CSGALNACT1: variants seen among roughly 807,000 people sequenced by gnomAD.
CSGALNACT1 encodes the protein beta4GalNAcT-1.
A neutral mutation model predicts 51.0 loss-of-function variants in CSGALNACT1; 52 were observed. The observed-to-expected ratio is 1.02, with a 90% CI of 0.82 to 1.29. CSGALNACT1 has a LOEUF of 1.29. CSGALNACT1 is among the 50% of genes most tolerant of loss of function. The probability of loss-of-function intolerance (pLI) is 0.00; values close to 1 mark genes in which losing one functional copy is unlikely to be tolerated. For synonymous variants in CSGALNACT1, 341 were observed against 254.4 expected, an observed-to-expected ratio of 1.34 and a Z score of -3.24; for missense variants, 935 against 679.2, an observed-to-expected ratio of 1.38 and a Z score of -4.19.
chr8:19,555,183 G>T (rs1018347248), intron 3 of CSGALNACT1, among the ~76,000 whole-genome samples: 8 of 152,010 alleles, frequency 5.3e-5, no homozygotes, highest in Admixed American at 3.3e-4. Context: ...AGTTTGAAAT[G>T]AGCCGAGATC....
At chr8:19,602,970 A>AT (rs1220806027), upstream of CSGALNACT1, among the ~76,000 whole-genome samples, 3 of 150,864 alleles carry the variant, frequency 2.0e-5, no homozygotes, top group Non-Finnish European at 4.4e-5. Context: ...TGTATTTGCT[A>AT]TTTTTATATA....
At chr8:19,628,831 A>C (rs1355937846) in intron 1 of CSGALNACT1, among the ~76,000 whole-genome samples, 2 of 151,968 alleles carry the variant, frequency 1.3e-5, no homozygotes, top group Non-Finnish European at 2.9e-5. Context: ...GACAAACAGA[A>C]GGTCAGGATA....
chr8:19,529,361 C>G (rs2082304985), intron 3 of CSGALNACT1, among the ~76,000 whole-genome samples: 1 of 152,092 alleles, frequency 6.6e-6, no homozygotes, highest in Non-Finnish European at 1.5e-5. Context: ...TGCAACTGAC[C>G]AGACCTGTGG....
At chr8:19,696,640 G>A (rs573479263) in intron 1 of CSGALNACT1, among the ~76,000 whole-genome samples, 131 of 152,274 alleles carry the variant, frequency 8.6e-4, no homozygotes, top group African/African-American at 3.0e-3. Context: ...CTCCGAGCAA[G>A]ACATTCAGCC....
At chr8:19,441,204 A>T (rs1312119256) in intron 5 of CSGALNACT1, among the ~76,000 whole-genome samples, 1 of 152,138 alleles carries the variant, frequency 6.6e-6, no homozygotes, top group Non-Finnish European at 1.5e-5. Flanking sequence ...TCTTCACAGA[A>T]TTGGAAAAAA....
intron 1 of CSGALNACT1, among the ~76,000 whole-genome samples, chr8:19,657,808 C>T (rs1322306954): frequency 6.6e-6 from 1 of 152,032 alleles, no homozygotes; most frequent in African/African-American, 2.4e-5. Context: ...TTTTTATAGG[C>T]AATCTTAAGG....
At chr8:19,701,605 A>G (rs891210160) in intron 1 of CSGALNACT1, among the ~76,000 whole-genome samples, 3 of 152,214 alleles carry the variant, frequency 2.0e-5, no homozygotes, top group African/African-American at 4.8e-5. Context: ...GGGTACACCT[A>G]AGATCCTGAA....
At position 19,448,224 on chromosome 8, in the gene CSGALNACT1, A is replaced by G. The variant is rs549204296; in HGVS notation, c.852-8293T>C. 2.1e-4 allele frequency among the ~76,000 whole-genome samples: 32 copies of G among 152,340 alleles called. 1 individual carries two copies. The highest frequency in any genetic ancestry group is 6.7e-4 in the African/African-American group (28 of 41,586). Reference sequence around the variant, plus strand: ...CTTGCAGTTAAGGATACCTCTCTTTATAACTCATATTATGTGGTCTAGGGA... The same window carrying G: ...CTTGCAGTTAAGGATACCTCTCTTTGTAACTCATATTATGTGGTCTAGGGA... On this transcript the variant is annotated intron_variant, in intron 5 of 9. Coordinates refer to ENST00000454498, the Ensembl canonical transcript of CSGALNACT1.
intron 1 of CSGALNACT1, among the ~76,000 whole-genome samples, chr8:19,649,677 A>G (rs534545595): frequency 6.6e-6 from 1 of 152,096 alleles, no homozygotes; most frequent in Admixed American, 6.6e-5. Flanking sequence ...ATACACCCCA[A>G]AACCCACTAT....
intron 4 of CSGALNACT1, among the ~76,000 whole-genome samples, chr8:19,479,909 TG>T (rs1440700189): frequency 1.3e-5 from 2 of 151,786 alleles, no homozygotes; most frequent in Non-Finnish European, 2.9e-5. Context: ...CCCTGTATAC[TG>T]GGATTCCATT....
intron 3 of CSGALNACT1, among the ~76,000 whole-genome samples, chr8:19,509,977 T>C (rs977194522): frequency 6.6e-6 from 1 of 152,042 alleles, no homozygotes; most frequent in Non-Finnish European, 1.5e-5. Flanking sequence ...ACAGAGAGAG[T>C]AGGGAGCAAG....
intron 1 of CSGALNACT1, among the ~76,000 whole-genome samples, chr8:19,708,655 A>G (rs1175875151): frequency 6.6e-6 from 1 of 152,170 alleles, no homozygotes; most frequent in South Asian, 2.1e-4. Flanking sequence ...CCAGGTTCCA[A>G]ATGTGCAAGG....
intron 1 of CSGALNACT1, among the ~76,000 whole-genome samples, chr8:19,624,107 T>C (rs898406460): frequency 6.6e-6 from 1 of 152,212 alleles, no homozygotes; most frequent in East Asian, 1.9e-4. Flanking sequence ...ATTCTCCTAG[T>C]GGTAGAATGC....
chr8:19,663,283 GT>G (rs2058916019), intron 1 of CSGALNACT1, among the ~76,000 whole-genome samples: 1 of 152,006 alleles, frequency 6.6e-6, no homozygotes, highest in Non-Finnish European at 1.5e-5. Context: ...TGTACCTGAG[GT>G]TTTTTTCTCC....
intron 1 of CSGALNACT1, chr8:19,689,019 T>C (rs2061137942): frequency 1.3e-5 from 2 of 152,190 alleles, no homozygotes; most frequent in Non-Finnish European, 2.9e-5. Flanking sequence ...AAGCCACAGT[T>C]TGGCTAGGGT....
rs554066411 is a variant in CSGALNACT1 at position 19,586,841 on chromosome 8, C to T, written c.-297+4319G>A. On this transcript the variant is annotated intron_variant, in intron 3 of 9. Transcript: ENST00000454498. ...TTAGAACTCCCAGAATCGTCCTAGGCTCAGGTACATCGTACCCTACCAGAG... is the reference window on the plus strand; with the variant it reads ...TTAGAACTCCCAGAATCGTCCTAGGTTCAGGTACATCGTACCCTACCAGAG... Among the ~76,000 whole-genome samples the T allele has an allele frequency of 2.0e-5, 3 of 152,278 alleles. No homozygotes were observed. In the East Asian group the frequency reaches 5.8e-4, roughly 29 times the overall value.
At chr8:19,683,580 T>A (rs2060788031), upstream of CSGALNACT1, among the ~76,000 whole-genome samples, 1 of 152,010 alleles carries the variant, frequency 6.6e-6, no homozygotes, top group Non-Finnish European at 1.5e-5. Flanking sequence ...AACTGAACAT[T>A]AAAAATTTGC....
At chr8:19,433,703 G>C (rs753973208) in intron 6 of CSGALNACT1, among the ~76,000 whole-genome samples, 8 of 152,184 alleles carry the variant, frequency 5.3e-5, no homozygotes, top group Non-Finnish European at 1.0e-4. Context: ...TTTAAAGCAA[G>C]CTTGTCCAAT....
intron 3 of CSGALNACT1, among the ~76,000 whole-genome samples, chr8:19,586,161 G>A (rs186211261): frequency 5.3e-5 from 8 of 152,222 alleles, no homozygotes; most frequent in African/African-American, 1.7e-4. Context: ...TCAGGAGTTC[G>A]AGACTAGCCT....
Sources: gnomAD v4.1 joint callset for allele counts (sites outside exome capture counted in the v4.1 genomes callset) on GRCh38, gnomAD v4.1.1 for gene constraint, MANE v1.5 for transcripts, NCBI Gene and HGNC (gene_info 2026-07-23, HGNC 2026-07-21) for gene names.